Variants in CDH13 observed in about 807,000 individuals in gnomAD.
CDH13 encodes the protein cadherin 13, also known as cadherin-13.
CDH13 carries 24 observed loss-of-function variants against 63.8 expected under a neutral mutation model. That is an observed-to-expected ratio of 0.38 (90% CI 0.27 to 0.53). The LOEUF (loss-of-function observed/expected upper bound fraction) is 0.53, where lower values mean the gene tolerates loss of function less well. CDH13 is among the 20% of genes least tolerant of loss of function. The pLI, the probability that CDH13 is intolerant of heterozygous loss-of-function variation, is 0.85. For missense variants in CDH13, 1,049 were observed against 903.1 expected (o/e 1.16, Z -2.07); for synonymous variants, 503 against 355.3 (o/e 1.42, Z -4.67).
chr16:82,791,710 G>A (rs1279743333), intron 1 of CDH13, among the ~76,000 whole-genome samples: 3 of 152,292 alleles, frequency 2.0e-5, no homozygotes, highest in South Asian at 2.1e-4. Flanking sequence ...TGCCACTCCC[G>A]ACTGGGCTAA....
intron 2 of CDH13, among the ~76,000 whole-genome samples, chr16:82,959,223 A>G (rs1306564711): frequency 6.6e-6 from 1 of 152,176 alleles, no homozygotes; most frequent in Non-Finnish European, 1.5e-5. Context: ...TACATTTCAA[A>G]TTCATGTTTT....
At chr16:82,838,418 G>A (rs2038863508) in intron 1 of CDH13, among the ~76,000 whole-genome samples, 1 of 152,120 alleles carries the variant, frequency 6.6e-6, no homozygotes, top group Admixed American at 6.5e-5. Context: ...TATATTTATT[G>A]TTCTGTGTCC....
chr16:83,734,727 T>TATAATA (rs61075767), intron 10 of CDH13, among the ~76,000 whole-genome samples: 25,600 of 141,736 alleles, frequency 0.18, 3,424 homozygotes, highest in African/African-American at 0.38. Flanking sequence ...AAACTTAAAG[T>TATAATA]ATAATAATAA....
At chr16:82,686,215 A>T (rs1915055424) in intron 1 of CDH13, among the ~76,000 whole-genome samples, 1 of 152,210 alleles carries the variant, frequency 6.6e-6, no homozygotes, top group African/African-American at 2.4e-5. Context: ...ACAATTTCTA[A>T]TTCAAAGCAG....
chr16:83,376,176 C>G (rs1461306878), intron 6 of CDH13, among the ~76,000 whole-genome samples: 1 of 152,140 alleles, frequency 6.6e-6, no homozygotes, highest in African/African-American at 2.4e-5. Flanking sequence ...TGAAGCTGCC[C>G]CTCGCCCTTC....
intron 1 of CDH13, among the ~76,000 whole-genome samples, chr16:82,640,701 T>G (rs1485258745): frequency 6.6e-6 from 1 of 152,218 alleles, no homozygotes; most frequent in Non-Finnish European, 1.5e-5. Context: ...CCAGGCATTC[T>G]CTTTGGCCTC....
chr16:82,650,989 G>A (rs1325885682), intron 1 of CDH13, among the ~76,000 whole-genome samples: 1 of 152,162 alleles, frequency 6.6e-6, no homozygotes, highest in Non-Finnish European at 1.5e-5. Flanking sequence ...ATCTTATCTG[G>A]CAGCTAATCT....
intron 2 of CDH13, among the ~76,000 whole-genome samples, chr16:82,986,158 C>T (rs1215533069): frequency 6.6e-6 from 1 of 152,196 alleles, no homozygotes; most frequent in African/African-American, 2.4e-5. Flanking sequence ...CAATTGTAAA[C>T]ACAGTCTGTG....
intron 1 of CDH13, among the ~76,000 whole-genome samples, chr16:82,756,604 T>C (rs1273089525): frequency 1.3e-5 from 2 of 152,130 alleles, no homozygotes; most frequent in Non-Finnish European, 2.9e-5. Context: ...GCTTGTTATG[T>C]GGTTAGCATG....
chr16:83,211,501 A>G (rs183729337), intron 4 of CDH13, among the ~76,000 whole-genome samples: 14 of 152,344 alleles, frequency 9.2e-5, no homozygotes, highest in Admixed American at 3.9e-4. Context: ...CTATGAGTTC[A>G]TATGTATGCA....
intron 5 of CDH13, among the ~76,000 whole-genome samples, chr16:83,223,283 A>T (rs942494267): frequency 3.9e-5 from 6 of 152,198 alleles, no homozygotes; most frequent in African/African-American, 1.4e-4. Context: ...CCTCCAGAAG[A>T]CAGGAAGGCT....
At chr16:83,406,683 C>G (rs1014124462) in intron 6 of CDH13, among the ~76,000 whole-genome samples, 1 of 152,110 alleles carries the variant, frequency 6.6e-6, no homozygotes, top group South Asian at 2.1e-4. Context: ...TCAAGCTGGT[C>G]TTGAACTCCT....
chr16:83,434,360 G>C (rs577536697), intron 6 of CDH13, among the ~76,000 whole-genome samples: 69 of 152,238 alleles, frequency 4.5e-4, no homozygotes, highest in African/African-American at 1.6e-3. Flanking sequence ...CCATTTGTGT[G>C]ACAGAGATGA....
At chr16:82,894,996 C>T (rs377044056) in intron 2 of CDH13, among the ~76,000 whole-genome samples, 7 of 152,110 alleles carry the variant, frequency 4.6e-5, no homozygotes, top group South Asian at 2.1e-4. Context: ...TTTTATGCCA[C>T]GGTAAGGAGG....
chr16:82,663,249 C>T lies in CDH13; in HGVS notation c.45+36112C>T, dbSNP rs143761656. ...TTGCCCTGGCTGGAGTGCAATGGCGCGATCTCGGCTCACCGCAACCTCTGC... is the reference window on the plus strand; with the variant it reads ...TTGCCCTGGCTGGAGTGCAATGGCGTGATCTCGGCTCACCGCAACCTCTGC... On this transcript the variant is annotated intron_variant, in intron 1 of 13. Coordinates refer to ENST00000567109, the MANE Select transcript of CDH13 (RefSeq NM_001257.5). Among the ~76,000 whole-genome samples the T allele has an allele frequency of 3.3e-3, 504 of 152,266 alleles. 2 individuals carry two copies. The highest frequency in any genetic ancestry group is 0.011 in the African/African-American group (465 of 41,538).
intron 2 of CDH13, among the ~76,000 whole-genome samples, chr16:82,997,709 A>G (rs977072771): frequency 4.6e-5 from 7 of 152,188 alleles, no homozygotes; most frequent in African/African-American, 1.7e-4. Flanking sequence ...TATATGGAAA[A>G]GCTGGGATTT....
At chr16:83,317,738 T>A (rs1008500339) in intron 5 of CDH13, among the ~76,000 whole-genome samples, 3 of 151,060 alleles carry the variant, frequency 2.0e-5, no homozygotes, top group Non-Finnish European at 2.9e-5. Context: ...AGGCGGAGGT[T>A]GCAGTGAGCC....
rs930142639 is a variant in CDH13 at position 83,166,324 on chromosome 16, G to C, written c.483+40823G>C. Among the ~76,000 whole-genome samples, 5 of 152,104 alleles carry C rather than the reference G, an allele frequency of 3.3e-5. No homozygotes were observed. In the East Asian group the frequency reaches 9.6e-4, roughly 29 times the overall value. ...TGTTTAAGCAGGACAGAGCAGCGGG[G>C]AGGAAGGGGCTTAAGCAGAAATGGG... On this transcript the variant is annotated intron_variant, in intron 4 of 13. Transcript: ENST00000567109.
chr16:83,273,457 C>T (rs999274671), intron 5 of CDH13, among the ~76,000 whole-genome samples: 4 of 152,014 alleles, frequency 2.6e-5, no homozygotes, highest in Non-Finnish European at 4.4e-5. Context: ...AGGGCATTTG[C>T]TTTTTTCTTC....
Sources: allele counts gnomAD v4.1 joint callset (sites outside exome capture counted in the v4.1 genomes callset), GRCh38; gene constraint gnomAD v4.1.1; transcripts MANE v1.5; gene names NCBI Gene and HGNC (gene_info 2026-07-23, HGNC 2026-07-21).